Variants in HMGCLL1 observed in about 807,000 individuals in gnomAD.
HMGCLL1 encodes 3-hydroxy-3-methylglutaryl-CoA lyase like 1.
HMGCLL1 carries 36 observed loss-of-function variants against 39.1 expected under a neutral mutation model. That is an observed-to-expected ratio of 0.92 (90% CI 0.71 to 1.22). The LOEUF is 1.22. HMGCLL1 is among the 50% of genes most tolerant of loss of function. The pLI is 0.00. For missense variants in HMGCLL1, 451 were observed against 416.5 expected (o/e 1.08, Z -0.72); for synonymous variants, 149 against 144.0 (o/e 1.03, Z -0.25).
chr6:55,509,026 G>C (rs1390067406), intron 5 of HMGCLL1, among the ~76,000 whole-genome samples: 1 of 151,734 alleles, frequency 6.6e-6, no homozygotes, highest in African/African-American at 2.4e-5. Flanking sequence ...ACTGCTGCTG[G>C]GTATGTGTTG....
chr6:55,600,268 G>T, the HMGCLL1 span, among the ~76,000 whole-genome samples: 29 of 152,034 alleles, frequency 1.9e-4, no homozygotes, highest in Non-Finnish European at 4.4e-5. Context: ...CAAATTAAAA[G>T]AAGAGTAAAC....
intron 7 of HMGCLL1, among the ~76,000 whole-genome samples, chr6:55,462,840 T>C: frequency 6.6e-6 from 1 of 151,930 alleles, no homozygotes; most frequent in Non-Finnish European, 1.5e-5. Context: ...TTCTCAGGAG[T>C]AGTTAACTGC....
the HMGCLL1 span, among the ~76,000 whole-genome samples, chr6:55,606,698 A>G: frequency 6.6e-6 from 1 of 152,092 alleles, no homozygotes; most frequent in Non-Finnish European, 1.5e-5. Flanking sequence ...ATTCCCTCAT[A>G]TATATATTTG....
At chr6:55,503,240 C>T (rs2127429416) in intron 5 of HMGCLL1, among the ~76,000 whole-genome samples, 1 of 151,964 alleles carries the variant, frequency 6.6e-6, no homozygotes, top group Admixed American at 6.6e-5. Context: ...TGTCACAAAT[C>T]CACAACCCAT....
chr6:55,441,151 T>TG (rs1353625711), intron 7 of HMGCLL1, among the ~76,000 whole-genome samples: 3 of 151,828 alleles, frequency 2.0e-5, no homozygotes, highest in African/African-American at 7.3e-5. Context: ...AGGAGTGGGG[T>TG]GGGGGTCAGT....
the HMGCLL1 span, among the ~76,000 whole-genome samples, chr6:55,657,262 T>C: frequency 6.6e-6 from 1 of 152,100 alleles, no homozygotes; most frequent in Non-Finnish European, 1.5e-5. Context: ...GTTTTCATGA[T>C]GAAAACTTTG....
intron 7 of HMGCLL1, among the ~76,000 whole-genome samples, chr6:55,443,333 T>C (rs749984256): frequency 6.6e-6 from 1 of 152,096 alleles, no homozygotes; most frequent in Non-Finnish European, 1.5e-5. Context: ...GCCGGATAGA[T>C]GAGAAATGGC....
chr6:55,546,837 A>G (rs1177161119), intron 1 of HMGCLL1, among the ~76,000 whole-genome samples: 1 of 152,098 alleles, frequency 6.6e-6, no homozygotes, highest in Non-Finnish European at 1.5e-5. Flanking sequence ...GCAGTGTAGT[A>G]TATGATACTA....
chr6:55,657,571 C>T, the HMGCLL1 span, among the ~76,000 whole-genome samples: 1 of 151,926 alleles, frequency 6.6e-6, no homozygotes, highest in East Asian at 2.0e-4. Flanking sequence ...CAGTACCATG[C>T]TATTTTGGTT....
chr6:55,531,620 T>C (rs1320792525), intron 3 of HMGCLL1, among the ~76,000 whole-genome samples: 1 of 152,028 alleles, frequency 6.6e-6, no homozygotes, highest in African/African-American at 2.4e-5. Context: ...CACAGACCAG[T>C]ACTGGTCTGT....
intron 1 of HMGCLL1, among the ~76,000 whole-genome samples, chr6:55,571,774 A>T (rs946502737): frequency 2.0e-5 from 3 of 152,128 alleles, no homozygotes; most frequent in African/African-American, 7.2e-5. Flanking sequence ...GCGCCACTGC[A>T]CTCCAGCCTG....
At chr6:55,551,515 T>TA (rs1188258624) in intron 1 of HMGCLL1, among the ~76,000 whole-genome samples, 1 of 151,092 alleles carries the variant, frequency 6.6e-6, no homozygotes, top group Non-Finnish European at 1.5e-5. Flanking sequence ...GCTGAAATAG[T>TA]AAAAAAAGAA....
chr6:55,493,745 T>G (rs71548698), intron 7 of HMGCLL1, among the ~76,000 whole-genome samples: 18 of 121,888 alleles, frequency 1.5e-4, no homozygotes, highest in East Asian at 7.1e-4. Context: ...TTTTGTTTTT[T>G]TTTTTGAGAA....
At chr6:55,542,164 A>C in intron 1 of HMGCLL1, 24 bp from the exon 2 acceptor site, 1 of 1,500,156 alleles carries the variant, frequency 6.7e-7, no homozygotes, top group Non-Finnish European at 9.2e-7. Flanking sequence ...TGTAAGAACA[A>C]GATAACGTAA....
At chr6:55,542,008 C>A in intron 2 of HMGCLL1, 52 bp downstream of exon 2, 1 of 1,215,950 alleles carries the variant, frequency 8.2e-7, no homozygotes, top group Non-Finnish European at 1.2e-6. Flanking sequence ...TCTTTACAAT[C>A]TTAAATTTAT....
chr6:55,526,424 C>T (rs930690344), intron 3 of HMGCLL1, among the ~76,000 whole-genome samples: 2 of 151,916 alleles, frequency 1.3e-5, no homozygotes, highest in Admixed American at 6.6e-5. Flanking sequence ...TCTATCATTG[C>T]TCTTATCAAA....
intron 6 of HMGCLL1, among the ~76,000 whole-genome samples, chr6:55,496,248 T>C (rs567903113): frequency 6.6e-6 from 1 of 152,288 alleles, no homozygotes; most frequent in East Asian, 1.9e-4. Context: ...CATGACTATA[T>C]AAAATATGTG....
At chr6:55,640,170 G>A in the HMGCLL1 span, among the ~76,000 whole-genome samples, 3 of 152,026 alleles carry the variant, frequency 2.0e-5, no homozygotes, top group Non-Finnish European at 4.4e-5. Flanking sequence ...GAGATAAGAG[G>A]AGGAGAAATA....
At chr6:55,555,952 T>C (rs554822562) in intron 1 of HMGCLL1, among the ~76,000 whole-genome samples, 16 of 152,232 alleles carry the variant, frequency 1.1e-4, no homozygotes, top group African/African-American at 3.6e-4. Context: ...GAGTTGAACA[T>C]TTCCATTGGT....
Sources: allele counts gnomAD v4.1 joint callset (sites outside exome capture counted in the v4.1 genomes callset), GRCh38; gene constraint gnomAD v4.1.1; transcripts MANE v1.5; gene names NCBI Gene and HGNC (gene_info 2026-07-23, HGNC 2026-07-21).